CCDC15: variants seen among roughly 807,000 people sequenced by gnomAD.
CCDC15 encodes the protein coiled-coil domain containing 15, also known as coiled-coil domain-containing protein 15.
A neutral mutation model predicts 114.5 loss-of-function variants in CCDC15; 105 were observed. The ratio of observed to expected loss-of-function variants is 0.92; its 90% CI spans 0.78 to 1.08. The LOEUF (loss-of-function observed/expected upper bound fraction) is 1.08, where lower values mean the gene tolerates loss of function less well. Among genes scored for constraint, CCDC15 ranks in the 50% least tolerant of loss-of-function variants. The pLI, the probability that CCDC15 is intolerant of heterozygous loss-of-function variation, is 0.00. For missense variants in CCDC15, 1,105 were observed against 1,093.6 expected (o/e 1.01, Z -0.15); for synonymous variants, 334 against 377.8 (o/e 0.88, Z 1.34).
At chr11:125,030,799 G>A (rs896551451) in intron 13 of CCDC15, among the ~76,000 whole-genome samples, 1 of 152,148 alleles carries the variant, frequency 6.6e-6, no homozygotes, top group Non-Finnish European at 1.5e-5. Context: ...CTTTGTTCAT[G>A]GGCCCATTGG....
At position 124,975,132 on chromosome 11, in the gene CCDC15, G is replaced by C; in HGVS notation, c.553G>C (p.Ala185Pro). The C allele has an allele frequency of 6.3e-7, 1 of 1,596,746 alleles. No individual in the cohort carries two copies. Among genetic ancestry groups the C allele is most frequent in the Non-Finnish European group, 8.5e-7 (1 of 1,172,962 alleles). Residue 185 changes from alanine to proline, a missense_variant, in exon 5 of 16, where the codon GCA becomes CCA. Coordinates refer to ENST00000344762, the MANE Select transcript of CCDC15 (RefSeq NM_025004.3). ...TATGAAACAGGCACGTCACCGGCTA[G>C]CATCCTTTAAAACCGTGATTAAAAA... ...ETMKQARHRL[A>P]SFKTVIKKKG...
chr11:125,024,252 A>T (rs1312474071), intron 13 of CCDC15, among the ~76,000 whole-genome samples: 1 of 152,014 alleles, frequency 6.6e-6, no homozygotes, highest in Non-Finnish European at 1.5e-5. Flanking sequence ...TTGAAATCAG[A>T]TAGTCTTAAC....
intron 5 of CCDC15, among the ~76,000 whole-genome samples, chr11:124,976,793 A>G (rs1947981512): frequency 6.6e-6 from 1 of 152,092 alleles, no homozygotes; most frequent in South Asian, 2.1e-4. Context: ...CTTTGTATAA[A>G]CCAGTTTTTT....
At chr11:125,032,162 T>C (rs1443857994) in intron 13 of CCDC15, among the ~76,000 whole-genome samples, 1 of 152,234 alleles carries the variant, frequency 6.6e-6, no homozygotes, top group Admixed American at 6.5e-5. Context: ...ATCAATGTAG[T>C]GGACCAGTGT....
At chr11:124,963,012 G>C (rs60783486) in intron 4 of CCDC15, among the ~76,000 whole-genome samples, 5 of 152,108 alleles carry the variant, frequency 3.3e-5, no homozygotes, top group African/African-American at 1.2e-4. Flanking sequence ...GTATTTCATG[G>C]TGTATATGTG....
At chr11:124,982,229 T>C (rs551540387) in intron 6 of CCDC15, among the ~76,000 whole-genome samples, 5 of 152,170 alleles carry the variant, frequency 3.3e-5, no homozygotes, top group Non-Finnish European at 7.4e-5. Context: ...CCATTGGGTT[T>C]TGCTTCTTTA....
chr11:124,985,498 T>G (rs547479164), intron 6 of CCDC15, among the ~76,000 whole-genome samples: 11 of 152,276 alleles, frequency 7.2e-5, no homozygotes, highest in African/African-American at 2.6e-4. Context: ...TTATTGTCCT[T>G]CTCTTCTGTT....
intron 13 of CCDC15, among the ~76,000 whole-genome samples, chr11:125,034,293 C>G (rs1948760921): frequency 6.6e-6 from 1 of 152,200 alleles, no homozygotes; most frequent in African/African-American, 2.4e-5. Flanking sequence ...CCACATATCC[C>G]CATTCCCAGT....
rs138330917 is a variant in CCDC15 at position 125,031,240 on chromosome 11, G to A, written c.2412-7191G>A. Among the ~76,000 whole-genome samples the A allele has an allele frequency of 4.5e-3, 690 of 152,346 alleles. 5 individuals are homozygous for A. The highest frequency in any genetic ancestry group is 0.016 in the African/African-American group (656 of 41,588). Reference sequence around the variant, plus strand: ...AGCTGTCCACTTTCGGGTGATGCCTGCATATCGTGCAGAACCATCTGTGAA... The same window carrying A: ...AGCTGTCCACTTTCGGGTGATGCCTACATATCGTGCAGAACCATCTGTGAA... On this transcript the variant is annotated intron_variant, in intron 13 of 15. Transcript: ENST00000344762.
Position 124,975,126 on chromosome 11 carries a change from C to G in CCDC15, c.547C>G (p.Arg183Gly), listed in dbSNP as rs760911695. The part of the protein sequence containing the change: ...LSETMKQARH[R>G]LASFKTVIKK... ...TGAAACTATGAAACAGGCACGTCAC[C>G]GGCTAGCATCCTTTAAAACCGTGAT... Residue 183 changes from arginine (R) to glycine (G), a missense_variant, in exon 5 of 16, where the codon CGG (arginine) becomes GGG (glycine). Arg to Gly is a moderately radical substitution (Grantham distance 125). Coordinates refer to ENST00000344762, the MANE Select transcript of CCDC15 (RefSeq NM_025004.3). 1 of 1,590,410 alleles carries G rather than the reference C, an allele frequency of 6.3e-7. No individual in the cohort carries two copies.
At chr11:125,006,954 A>G (rs1197864623) in intron 13 of CCDC15, among the ~76,000 whole-genome samples, 1 of 152,220 alleles carries the variant, frequency 6.6e-6, no homozygotes, top group Non-Finnish European at 1.5e-5. Context: ...TTATTGATAC[A>G]TAATAATTGT....
At chr11:124,986,691 T>G (rs11219860) in intron 6 of CCDC15, 51 bp from the exon 7 acceptor site, 73,073 of 1,174,660 alleles carry the variant, frequency 0.062, 4,280 homozygotes, top group African/African-American at 0.25. Context: ...GTGTGTGTGT[T>G]TGTGTGTGTG....
chr11:124,986,685 GT>G, intron 6 of CCDC15, 56 bp from the exon 7 acceptor site: 1 of 1,398,656 alleles, frequency 7.1e-7, no homozygotes, highest in Non-Finnish European at 9.5e-7. Flanking sequence ...GTGTGTGTGT[GT>G]GTGTTTGTGT....
chr11:125,026,102 C>G (rs372647953), intron 13 of CCDC15, among the ~76,000 whole-genome samples: 4 of 152,254 alleles, frequency 2.6e-5, no homozygotes, highest in East Asian at 1.9e-4. Context: ...TGGTATCTCA[C>G]TAGCTGGCTT....
intron 6 of CCDC15, among the ~76,000 whole-genome samples, chr11:124,980,670 A>C (rs1283867650): frequency 6.6e-6 from 1 of 151,968 alleles, no homozygotes; most frequent in Non-Finnish European, 1.5e-5. Flanking sequence ...CTTTTTAATT[A>C]ATCTAGCTAG....
At chr11:125,034,909 AGT>A (rs1948765896) in intron 13 of CCDC15, among the ~76,000 whole-genome samples, 4 of 152,076 alleles carry the variant, frequency 2.6e-5, no homozygotes, top group Non-Finnish European at 1.5e-5. Context: ...ATATATGCAT[AGT>A]TATATATATA....
chr11:125,009,393 ACT>A (rs553717666), intron 13 of CCDC15, among the ~76,000 whole-genome samples: 64 of 151,320 alleles, frequency 4.2e-4, no homozygotes, highest in Middle Eastern at 6.4e-3. Flanking sequence ...ATTTTGAAAC[ACT>A]CTGTATAATA....
At position 124,975,203 on chromosome 11, in the gene CCDC15, C is replaced by T. The variant is rs376129177; in HGVS notation, c.624C>T (p.Thr208=). The T allele has an allele frequency of 4.2e-5, 65 of 1,552,348 alleles. No homozygotes were observed. Among genetic ancestry groups the T allele is most frequent in the Non-Finnish European group, 5.6e-5 (64 of 1,149,104 alleles). ...ATGATGGAAGGAAAAGCTTTCTTAC[C>T]AGAGAGGTAAATTAATTTCTAATAC... is the stretch of plus-strand genomic sequence containing the variant. The part of the protein sequence containing the change: ...FPDDGRKSFL[T]REEVLSRKPA... The change falls in exon 5 of 16, where the codon ACC becomes ACT. Residue 208 remains threonine, a synonymous_variant. Coordinates refer to ENST00000344762, the MANE Select transcript of CCDC15 (RefSeq NM_025004.3).
At chr11:124,982,615 C>T (rs1401115436) in intron 6 of CCDC15, among the ~76,000 whole-genome samples, 1 of 152,118 alleles carries the variant, frequency 6.6e-6, no homozygotes, top group East Asian at 1.9e-4. Flanking sequence ...AATATAGGCC[C>T]CCAATCTCTT....
Sources: allele counts gnomAD v4.1 joint callset (sites outside exome capture counted in the v4.1 genomes callset), GRCh38; gene constraint gnomAD v4.1.1; transcripts MANE v1.5; gene names NCBI Gene and HGNC (gene_info 2026-07-23, HGNC 2026-07-21).